SCMH1: variants seen among roughly 807,000 people sequenced by gnomAD.
SCMH1 encodes Scm polycomb group protein homolog 1.
In SCMH1, 37 loss-of-function variants were observed where a neutral mutation model predicts 70.8. That is an observed-to-expected ratio of 0.52 (90% CI 0.40 to 0.69). The LOEUF is 0.69. Among genes scored for constraint, SCMH1 ranks in the 30% least tolerant of loss-of-function variants. The pLI, the probability that SCMH1 is intolerant of heterozygous loss-of-function variation, is 0.00. For missense variants in SCMH1, 607 were observed against 827.3 expected (o/e 0.73, Z 3.27); for synonymous variants, 292 against 307.4 (o/e 0.95, Z 0.52).
At chr1:41,192,523 C>CA (rs557627516) in intron 1 of SCMH1, among the ~76,000 whole-genome samples, 1 of 151,930 alleles carries the variant, frequency 6.6e-6, no homozygotes, top group African/African-American at 2.4e-5. Context: ...CACACACACA[C>CA]ACCACTTAGA....
intron 6 of SCMH1, among the ~76,000 whole-genome samples, chr1:41,123,885 A>C (rs1672537589): frequency 6.6e-6 from 1 of 152,196 alleles, no homozygotes; most frequent in Non-Finnish European, 1.5e-5. Flanking sequence ...TTCCAGAGCA[A>C]TGTTTTCCAA....
chr1:41,209,714 T>C (rs1656526726), intron 1 of SCMH1, among the ~76,000 whole-genome samples: 1 of 152,208 alleles, frequency 6.6e-6, no homozygotes, highest in Admixed American at 6.5e-5. Context: ...ATGGGACATA[T>C]CTCAAAATAA....
chr1:41,051,804 T>A (rs1313494726), intron 10 of SCMH1, among the ~76,000 whole-genome samples: 1 of 152,184 alleles, frequency 6.6e-6, no homozygotes, highest in Non-Finnish European at 1.5e-5. Flanking sequence ...AAAGTTACAG[T>A]ACGCTAAGGT....
chr1:41,151,191 G>C (rs1354583380), intron 5 of SCMH1, among the ~76,000 whole-genome samples: 1 of 152,194 alleles, frequency 6.6e-6, no homozygotes, highest in African/African-American at 2.4e-5. Context: ...GAGCTCCTGA[G>C]ATGCTTCACA....
intron 10 of SCMH1, among the ~76,000 whole-genome samples, chr1:41,068,573 T>A (rs1655454136): frequency 6.6e-6 from 1 of 152,068 alleles, no homozygotes. Flanking sequence ...GCCTGGCTAA[T>A]TTTTGTATTT....
Position 41,142,873 on chromosome 1 carries a change from C to T in SCMH1, c.412+5G>A. The T allele has an allele frequency of 6.2e-7, 1 of 1,609,876 alleles. No individual in the cohort carries two copies. Among genetic ancestry groups the T allele is most frequent in the Non-Finnish European group, 8.5e-7 (1 of 1,176,158 alleles). On this transcript the variant is annotated splice_donor_5th_base_variant and intron_variant, in intron 6 of 14. Transcript: ENST00000337495. Reference sequence around the variant, plus strand: ...GCTAGAAAGAGTTTGGGTTTACTTACTCACCAAGAGGTGGCTGTAGCATAC... The same window carrying T: ...GCTAGAAAGAGTTTGGGTTTACTTATTCACCAAGAGGTGGCTGTAGCATAC...
At chr1:41,053,360 C>A (rs1489307758) in intron 10 of SCMH1, among the ~76,000 whole-genome samples, 1 of 152,180 alleles carries the variant, frequency 6.6e-6, no homozygotes, top group African/African-American at 2.4e-5. Flanking sequence ...AGAAACAACA[C>A]TGTACCAGTT....
intron 4 of SCMH1, among the ~76,000 whole-genome samples, chr1:41,158,477 A>C (rs1274466004): frequency 6.6e-6 from 1 of 152,254 alleles, no homozygotes; most frequent in Admixed American, 6.5e-5. Flanking sequence ...AGTCAAAGAA[A>C]AAGGAAACTC....
At chr1:41,046,448 G>C (rs1451964210) in exon 12 of SCMH1, 13 of 1,614,222 alleles carry the variant, frequency 8.1e-6, no homozygotes, top group Non-Finnish European at 1.1e-5. Context: ...CTCTATGGCA[G>C]TGAGTGACAA....
intron 1 of SCMH1, among the ~76,000 whole-genome samples, chr1:41,194,042 C>G (rs530496040): frequency 3.3e-5 from 5 of 152,270 alleles, no homozygotes; most frequent in Non-Finnish European, 5.9e-5. Context: ...GGCAAAAGAT[C>G]TGGGCTTTAT....
chr1:41,048,182 CAA>C (rs1647077682), intron 11 of SCMH1, among the ~76,000 whole-genome samples: 1 of 151,966 alleles, frequency 6.6e-6, no homozygotes. Flanking sequence ...TCTGTGAGAG[CAA>C]AAAACACTGT....
chr1:41,065,586 A>T (rs967116096), intron 10 of SCMH1, among the ~76,000 whole-genome samples: 1 of 152,248 alleles, frequency 6.6e-6, no homozygotes, highest in Non-Finnish European at 1.5e-5. Context: ...AGCTACCATA[A>T]TTAAGACAGT....
chr1:41,068,469 G>A (rs1399393115), intron 10 of SCMH1, among the ~76,000 whole-genome samples: 2 of 152,132 alleles, frequency 1.3e-5, no homozygotes, highest in African/African-American at 2.4e-5. Context: ...GCACTGGTAC[G>A]ATCTTGGCTC....
chr1:41,169,253 G>C (rs1646627425), intron 2 of SCMH1, among the ~76,000 whole-genome samples: 1 of 152,176 alleles, frequency 6.6e-6, no homozygotes, highest in African/African-American at 2.4e-5. Flanking sequence ...AGTAGCCTTG[G>C]ATTTATCACT....
chr1:41,046,300 ATAG>A (rs1646887008), intron 12 of SCMH1, 104 bp downstream of exon 12: 1 of 870,086 alleles, frequency 1.1e-6, no homozygotes, highest in Non-Finnish European at 1.8e-6. Context: ...AGACCTCTAG[ATAG>A]TAGGTGCCAG....
At chr1:41,201,372 A>C (rs1422786289) in intron 1 of SCMH1, among the ~76,000 whole-genome samples, 1 of 152,186 alleles carries the variant, frequency 6.6e-6, no homozygotes. Context: ...TCACTTCCTC[A>C]GGGCTGCCAA....
chr1:41,232,536 A>C (rs1661505472), intron 1 of SCMH1, among the ~76,000 whole-genome samples: 1 of 152,280 alleles, frequency 6.6e-6, no homozygotes, highest in African/African-American at 2.4e-5. Flanking sequence ...TATATGGTGA[A>C]ATGAAAAGAG....
intron 2 of SCMH1, among the ~76,000 whole-genome samples, chr1:41,177,441 C>A (rs571924029): frequency 6.6e-6 from 1 of 151,910 alleles, no homozygotes; most frequent in Non-Finnish European, 1.5e-5. Flanking sequence ...CAAACGACTC[C>A]GAGCTAAAGG....
At chr1:41,202,067 G>C (rs1469640472) in intron 1 of SCMH1, among the ~76,000 whole-genome samples, 1 of 152,140 alleles carries the variant, frequency 6.6e-6, no homozygotes, top group African/African-American at 2.4e-5. Context: ...TTTTGAGACA[G>C]AGTCACTCTT....
Sources: gnomAD v4.1 joint callset for allele counts (sites outside exome capture counted in the v4.1 genomes callset) on GRCh38, gnomAD v4.1.1 for gene constraint, MANE v1.5 for transcripts, NCBI Gene and HGNC (gene_info 2026-07-23, HGNC 2026-07-21) for gene names.